Variants in PDZD9 observed in about 807,000 individuals in gnomAD.
PDZD9 encodes the protein PDZ domain containing 9.
A neutral mutation model predicts 16.3 loss-of-function variants in PDZD9; 13 were observed. The ratio of observed to expected loss-of-function variants is 0.80; its 90% confidence interval spans 0.52 to 1.27. PDZD9 has a LOEUF of 1.27. Ranked by LOEUF, PDZD9 falls within the 50% of genes most tolerant of loss-of-function variation. The pLI is 0.00. For missense variants in PDZD9, 288 were observed against 310.9 expected, an observed-to-expected ratio of 0.93 and a Z score of 0.55; for synonymous variants, 120 against 111.0, an observed-to-expected ratio of 1.08 and a Z score of -0.51.
chr16:21,993,861 T>A (rs1899082438), intron 2 of PDZD9, among the ~76,000 whole-genome samples: 1 of 152,056 alleles, frequency 6.6e-6, no homozygotes, highest in Admixed American at 6.6e-5. Context: ...AAAAGCACTT[T>A]CATAAAAATT....
chr16:21,996,430 C>G lies in PDZD9; in HGVS notation c.103G>C (p.Val35Leu). The G allele has an allele frequency of 6.5e-7, 1 of 1,536,118 alleles. No individual in the cohort carries two copies. Among genetic ancestry groups the G allele is most frequent in the Admixed American group, 2.0e-5 (1 of 50,996 alleles). Residue 35 changes from valine (V) to leucine (L), a missense_variant, in exon 2 of 4, where the codon GTG becomes CTG. By Grantham distance (32) the Val-to-Leu change is conservative. Transcript: ENST00000424898. ...LSKTQQTKLT[V>L]GSLGLGLIII... ...ATGAGGCCTAATCCCAGGCTACCCACAGTGAGTTTGGTCTGCTGTGTTTTG... is the reference window on the plus strand; with the variant it reads ...ATGAGGCCTAATCCCAGGCTACCCAGAGTGAGTTTGGTCTGCTGTGTTTTG...
intron 1 of PDZD9, chr16:21,999,333 GA>G: frequency 9.2e-6 from 2 of 217,756 alleles, no homozygotes; most frequent in Admixed American, 4.2e-5. Context: ...TTCCTCCCTG[GA>G]AAAGGGTGAG....
the PDZD9 span, chr16:21,971,579 G>C: frequency 6.2e-7 from 1 of 1,614,152 alleles, no homozygotes; most frequent in Non-Finnish European, 8.5e-7. Flanking sequence ...AACATGAGGG[G>C]TGGGCTTGGT....
the PDZD9 span, among the ~76,000 whole-genome samples, chr16:21,967,150 C>CT: frequency 6.6e-6 from 1 of 151,990 alleles, no homozygotes; most frequent in African/African-American, 2.4e-5. Flanking sequence ...GAAATTGGCG[C>CT]TAGAATACTT....
chr16:21,996,378 TG>T lies in PDZD9; in HGVS notation c.154del (p.Gln52ArgfsTer23). On this transcript the variant is annotated frameshift_variant, in exon 2 of 4. Coordinates refer to ENST00000424898, the MANE Select transcript of PDZD9 (RefSeq NM_001363519.1). LOFTEE classifies it high-confidence loss of function. ...CCCCTTCCTGATGAGGTGGGTGATC[TG>T]GAGGTAGGGTCCATGCTGGATGATG... ...LIIIQHGPYLQITHLIRKGAA... is the reference protein window; with the variant it reads ...LIIIQHGPYLXITHLIRKGAA... 1 of 1,536,094 alleles carries T rather than the reference TG, an allele frequency of 6.5e-7. No individual in the cohort carries two copies. Among genetic ancestry groups the T allele is most frequent in the South Asian group, 1.2e-5 (1 of 84,064 alleles).
intron 2 of PDZD9, among the ~76,000 whole-genome samples, chr16:21,990,193 A>G (rs941597907): frequency 5.3e-5 from 8 of 152,214 alleles, no homozygotes; most frequent in African/African-American, 1.9e-4. Context: ...TCAGAAAGGA[A>G]TACAAAGGAT....
chr16:21,957,738 G>T, the PDZD9 span, among the ~76,000 whole-genome samples: 1 of 152,182 alleles, frequency 6.6e-6, no homozygotes, highest in Admixed American at 6.5e-5. Context: ...AGTTCTAGAG[G>T]CTAGAAGTCC....
At chr16:21,976,275 T>C in the PDZD9 span, 1 of 1,540,920 alleles carries the variant, frequency 6.5e-7, no homozygotes, top group Non-Finnish European at 9.0e-7. Context: ...GTTTTATGTT[T>C]TTGTTATTTG....
At chr16:21,998,094 C>G (rs1899195222) in intron 1 of PDZD9, among the ~76,000 whole-genome samples, 1 of 152,216 alleles carries the variant, frequency 6.6e-6, no homozygotes, top group Non-Finnish European at 1.5e-5. Context: ...CTTCAGAGAC[C>G]TTTCAGGGTT....
chr16:21,975,805 G>A, the PDZD9 span, among the ~76,000 whole-genome samples: 1 of 152,116 alleles, frequency 6.6e-6, no homozygotes, highest in Non-Finnish European at 1.5e-5. Flanking sequence ...AAATCCATGT[G>A]TTTGGCCGGG....
At chr16:21,979,364 C>T (rs191404492), downstream of PDZD9, among the ~76,000 whole-genome samples, 32 of 152,260 alleles carry the variant, frequency 2.1e-4, no homozygotes, top group East Asian at 5.6e-3. Context: ...GGTCACATAA[C>T]GATGGGGATA....
chr16:21,965,388 C>T, the PDZD9 span: 1 of 1,610,204 alleles, frequency 6.2e-7, no homozygotes, highest in Admixed American at 1.7e-5. Flanking sequence ...TCCCTAAATG[C>T]TTCTTCACTT....
chr16:21,988,797 G>C lies in PDZD9; in HGVS notation c.212-6C>G. On this transcript the variant is annotated splice_region_variant and splice_polypyrimidine_tract_variant and intron_variant, in intron 2 of 3. Coordinates refer to ENST00000424898, the MANE Select transcript of PDZD9 (RefSeq NM_001363519.1). Reference sequence around the variant, plus strand: ...AACACTAATCAGAACATCACCTGAAGAGGGAAAAAATTATGTATCAGTAAA... The same window carrying C: ...AACACTAATCAGAACATCACCTGAACAGGGAAAAAATTATGTATCAGTAAA... 6.3e-7 allele frequency: 1 copy of C among 1,591,092 alleles called. No individual in the cohort carries two copies. Among genetic ancestry groups the C allele is most frequent in the Non-Finnish European group, 8.5e-7 (1 of 1,173,612 alleles).
the PDZD9 span, among the ~76,000 whole-genome samples, chr16:21,978,344 A>T: frequency 6.6e-6 from 1 of 152,192 alleles, no homozygotes; most frequent in Admixed American, 6.5e-5. Context: ...GTAGAGTGTT[A>T]AAGGATGATA....
chr16:21,987,918 G>A (rs1446936394), intron 3 of PDZD9, among the ~76,000 whole-genome samples: 1 of 150,454 alleles, frequency 6.6e-6, no homozygotes, highest in Non-Finnish European at 1.5e-5. Flanking sequence ...GATGGGAGAA[G>A]TTTAAAAAGG....
At chr16:21,969,649 T>C in the PDZD9 span, among the ~76,000 whole-genome samples, 1 of 146,688 alleles carries the variant, frequency 6.8e-6, no homozygotes, top group African/African-American at 2.4e-5. Flanking sequence ...ATTTGTAATA[T>C]TTTTTGTTTT....
At chr16:21,968,538 A>G in the PDZD9 span, 5 of 1,206,622 alleles carry the variant, frequency 4.1e-6, no homozygotes, top group South Asian at 8.1e-5. Flanking sequence ...CCTTATAAGT[A>G]TTTATTTTCT....
intron 3 of PDZD9, 66 bp downstream of exon 3, chr16:21,988,536 C>A: frequency 7.8e-7 from 1 of 1,286,482 alleles, no homozygotes; most frequent in Non-Finnish European, 1.1e-6. Context: ...CACATTAAAC[C>A]ATCTATGCCT....
the PDZD9 span, chr16:21,962,427 A>G: frequency 1.2e-6 from 2 of 1,612,590 alleles, no homozygotes; most frequent in South Asian, 2.2e-5. Context: ...ATCCTGATTC[A>G]GATGATTTAC....
Sources: allele counts gnomAD v4.1 joint callset (sites outside exome capture counted in the v4.1 genomes callset), GRCh38; gene constraint gnomAD v4.1.1; transcripts MANE v1.5; gene names NCBI Gene and HGNC (gene_info 2026-07-23, HGNC 2026-07-21).